The following OR2C1 variants were observed in gnomAD, a reference collection of about 807,000 sequenced individuals.
OR2C1 encodes the protein olfactory receptor family 2 subfamily C member 1.
For missense variants in OR2C1, 468 were observed against 388.3 expected (o/e 1.21, Z -1.73); for synonymous variants, 209 against 167.3 (o/e 1.25, Z -1.92).
chr16:3,347,565 C>CT, the OR2C1 span, among the ~76,000 whole-genome samples: 9 of 151,762 alleles, frequency 5.9e-5, no homozygotes, highest in Non-Finnish European at 1.2e-4. Flanking sequence ...CAACTGCTTG[C>CT]TTTTTTCTTT....
At chr16:3,334,228 C>T in the OR2C1 span, among the ~76,000 whole-genome samples, 1 of 151,660 alleles carries the variant, frequency 6.6e-6, no homozygotes, top group Non-Finnish European at 1.5e-5. Flanking sequence ...ACTTCCGCCT[C>T]CCGGGTTCCA....
In OR2C1 at chr16:3,356,902, T is replaced by C; in HGVS notation, c.*23T>C. Reference sequence around the variant, plus strand: ...TGAGAGAACACTCCTTCGTTATTTATTGCGTCTTCATCTCTACATGCGTTT... The same window carrying C: ...TGAGAGAACACTCCTTCGTTATTTACTGCGTCTTCATCTCTACATGCGTTT... On this transcript the variant is annotated 3_prime_UTR_variant, in exon 1 of 1. Transcript: ENST00000304936. 2 of 1,511,700 alleles carry C rather than the reference T, an allele frequency of 1.3e-6. No homozygotes were observed. The highest frequency in any genetic ancestry group is 1.8e-6 in the Non-Finnish European group (2 of 1,123,058). The allele number at this position is 1,511,700 out of a possible 1,614,324, so 93.6% of individuals were successfully genotyped here.
Sources: allele counts gnomAD v4.1 joint callset (sites outside exome capture counted in the v4.1 genomes callset), GRCh38; gene constraint gnomAD v4.1.1; transcripts MANE v1.5; gene names NCBI Gene and HGNC (gene_info 2026-07-23, HGNC 2026-07-21).